The following BTBD9 variants were observed in gnomAD, a reference collection of about 807,000 sequenced individuals.
The protein encoded by BTBD9 is BTB domain containing 9, also known as BTB/POZ domain-containing protein 9.
In BTBD9, 49 loss-of-function variants were observed where a neutral mutation model predicts 64.3. That is an observed-to-expected ratio of 0.76 (90% confidence interval 0.61 to 0.97). BTBD9 has a LOEUF of 0.97. Among genes scored for constraint, BTBD9 ranks in the 50% least tolerant of loss-of-function variants. BTBD9 has a pLI of 0.00. For missense variants in BTBD9, 598 were observed against 762.1 expected, an observed-to-expected ratio of 0.78 and a Z score of 2.53; for synonymous variants, 260 against 274.7, an observed-to-expected ratio of 0.95 and a Z score of 0.53.
At position 38,530,391 on chromosome 6, in the gene BTBD9, C is replaced by T. The variant is rs1226949117; in HGVS notation, c.1154+47209G>A. Among the ~76,000 whole-genome samples the T allele has an allele frequency of 1.3e-5, 2 of 152,098 alleles. 1 individual carries two copies. Among genetic ancestry groups the T allele is most frequent in the Non-Finnish European group, 2.9e-5 (2 of 68,028 alleles). ...CCCTTTGAAGCATGTGATCTTTATA[C>T]CTACTCCATGTTCTTACACCCCCTC... On this transcript the variant is annotated intron_variant, in intron 6 of 10. Transcript: ENST00000481247.
intron 9 of BTBD9, among the ~76,000 whole-genome samples, chr6:38,253,179 G>A (rs1402340991): frequency 3.9e-5 from 6 of 152,226 alleles, no homozygotes; most frequent in Admixed American, 3.3e-4. Context: ...GTGTTAGTCC[G>A]TTTTCATACT....
intron 6 of BTBD9, among the ~76,000 whole-genome samples, chr6:38,390,292 C>A (rs1766355219): frequency 6.6e-6 from 1 of 152,116 alleles, no homozygotes; most frequent in South Asian, 2.1e-4. Context: ...ACCATGTTGG[C>A]CAGGCTGGTC....
chr6:38,448,354 A>G (rs915025233), intron 6 of BTBD9, among the ~76,000 whole-genome samples: 1 of 152,210 alleles, frequency 6.6e-6, no homozygotes, highest in African/African-American at 2.4e-5. Flanking sequence ...TGGGAGATAA[A>G]TATTTTTGTA....
At chr6:38,276,464 A>G (rs9462424) in intron 8 of BTBD9, among the ~76,000 whole-genome samples, 106,773 of 151,522 alleles carry the variant, frequency 0.7, 38,292 homozygotes, top group African/African-American at 0.83. Context: ...AAAGCTGCAC[A>G]TTGTGCACAT....
chr6:38,217,243 C>T (rs900044067), intron 9 of BTBD9, among the ~76,000 whole-genome samples: 8 of 145,332 alleles, frequency 5.5e-5, no homozygotes, highest in South Asian at 2.2e-4. Flanking sequence ...CGCTTGAACC[C>T]GGGAGGCAGA....
chr6:38,622,316 C>T (rs902169073), intron 1 of BTBD9, among the ~76,000 whole-genome samples: 1 of 152,188 alleles, frequency 6.6e-6, no homozygotes, highest in Admixed American at 6.5e-5. Flanking sequence ...CTGTTGATAA[C>T]TTTACAAATT....
At position 38,439,429 on chromosome 6, in the gene BTBD9, GT is replaced by G. The variant is rs1181879788; in HGVS notation, c.1155-94337del. Among the ~76,000 whole-genome samples the G allele has an allele frequency of 4.7e-5, 7 of 150,224 alleles. No individual in the cohort carries two copies. The South Asian group carries it at 1.5e-3, about 32-fold the overall frequency. On this transcript the variant is annotated intron_variant, in intron 6 of 10. Transcript: ENST00000481247. ...AGGCATGAGTCACCATGCCCAGCCT[GT>G]TTTTTTGTTTGTTTTTGACAGAGTC...
chr6:38,576,218 C>T (rs1776025926), intron 6 of BTBD9, among the ~76,000 whole-genome samples: 1 of 152,156 alleles, frequency 6.6e-6, no homozygotes, highest in African/African-American at 2.4e-5. Flanking sequence ...ATCTCCTCCT[C>T]TATGTGGGGG....
intron 6 of BTBD9, among the ~76,000 whole-genome samples, chr6:38,412,295 C>G (rs565521797): frequency 1.3e-5 from 2 of 152,126 alleles, no homozygotes; most frequent in South Asian, 4.2e-4. Flanking sequence ...GAAGACAGAA[C>G]CAAGCGGAGT....
intron 9 of BTBD9, among the ~76,000 whole-genome samples, chr6:38,193,159 C>T (rs9462409): frequency 0.37 from 55,536 of 152,104 alleles, 10,799 homozygotes; most frequent in Non-Finnish European, 0.44. Context: ...GGGCCTACCC[C>T]AGGGCTGTTG....
At chr6:38,552,108 T>C (rs1392318236) in intron 6 of BTBD9, among the ~76,000 whole-genome samples, 7 of 152,192 alleles carry the variant, frequency 4.6e-5, no homozygotes, top group Non-Finnish European at 1.0e-4. Context: ...AGCATCTAAA[T>C]ACCACAGAGC....
chr6:38,304,414 C>T (rs991709298), intron 7 of BTBD9, among the ~76,000 whole-genome samples: 11 of 151,896 alleles, frequency 7.2e-5, no homozygotes, highest in African/African-American at 9.7e-5. Flanking sequence ...GGCATGGTGG[C>T]GGTCACCTGT....
At chr6:38,529,830 T>A (rs1050088155) in intron 6 of BTBD9, among the ~76,000 whole-genome samples, 1 of 152,272 alleles carries the variant, frequency 6.6e-6, no homozygotes, top group Non-Finnish European at 1.5e-5. Context: ...GTTTGAACAA[T>A]ATGAAATCAG....
At chr6:38,384,069 T>C (rs1766053850) in intron 6 of BTBD9, among the ~76,000 whole-genome samples, 2 of 152,124 alleles carry the variant, frequency 1.3e-5, no homozygotes. Context: ...AAGCCTCACT[T>C]TAATAATGGT....
intron 6 of BTBD9, among the ~76,000 whole-genome samples, chr6:38,551,451 A>C (rs910226670): frequency 2.6e-5 from 4 of 152,230 alleles, no homozygotes; most frequent in African/African-American, 9.6e-5. Flanking sequence ...TCTAACACTT[A>C]CTAAGTGTTA....
At chr6:38,345,881 C>G (rs1764259444) in intron 6 of BTBD9, among the ~76,000 whole-genome samples, 1 of 152,234 alleles carries the variant, frequency 6.6e-6, no homozygotes, top group East Asian at 1.9e-4. Context: ...CTTGGAGTAA[C>G]TTGCTCTCTT....
At chr6:38,368,427 C>G (rs932433818) in intron 6 of BTBD9, among the ~76,000 whole-genome samples, 3 of 152,016 alleles carry the variant, frequency 2.0e-5, no homozygotes, top group Non-Finnish European at 2.9e-5. Context: ...CTTTACCTCA[C>G]GGGTTCAAGC....
chr6:38,354,586 T>G (rs750472525), intron 6 of BTBD9, among the ~76,000 whole-genome samples: 2 of 152,136 alleles, frequency 1.3e-5, no homozygotes, highest in Non-Finnish European at 2.9e-5. Flanking sequence ...TTGAAATGTA[T>G]TGATAGAAAA....
chr6:38,257,645 T>C (rs1295580873), intron 8 of BTBD9, among the ~76,000 whole-genome samples: 4 of 152,196 alleles, frequency 2.6e-5, no homozygotes, highest in African/African-American at 9.6e-5. Context: ...ATACATTCAT[T>C]TGCAAAACTT....
Sources: allele counts gnomAD v4.1 joint callset (sites outside exome capture counted in the v4.1 genomes callset), GRCh38; gene constraint gnomAD v4.1.1; transcripts MANE v1.5; gene names NCBI Gene and HGNC (gene_info 2026-07-23, HGNC 2026-07-21).